Variants in QTGAL observed in about 807,000 individuals in gnomAD.
QTGAL encodes BGnT-like protein 1.
chr17:83,002,263 G>A, the QTGAL span, among the ~76,000 whole-genome samples: 4 of 152,184 alleles, frequency 2.6e-5, no homozygotes, highest in African/African-American at 9.7e-5. Flanking sequence ...TGGCCTCCGG[G>A]GAACCCGCTC....
At chr17:82,975,449 T>C in the QTGAL span, among the ~76,000 whole-genome samples, 18 of 25,720 alleles carry the variant, frequency 7.0e-4, no homozygotes, top group Admixed American at 1.3e-3. Flanking sequence ...TCCCAGGGGC[T>C]GGAGGCCACT....
At chr17:82,983,857 G>A in the QTGAL span, among the ~76,000 whole-genome samples, 1 of 152,232 alleles carries the variant, frequency 6.6e-6, no homozygotes, top group Non-Finnish European at 1.5e-5. Flanking sequence ...GGCTTTTAAG[G>A]AGGTAGCTAA....
chr17:82,945,066 T>C, the QTGAL span: 1 of 152,092 alleles, frequency 6.6e-6, no homozygotes, highest in African/African-American at 2.4e-5. Context: ...ACAAAACCTC[T>C]CTGGTAGAAT....
chr17:82,946,887 A>C, the QTGAL span: 4 of 1,555,920 alleles, frequency 2.6e-6, no homozygotes, highest in Non-Finnish European at 3.5e-6. Flanking sequence ...ACCTGGGAGC[A>C]GCTGCCATGG....
chr17:82,982,303 AT>A, the QTGAL span, among the ~76,000 whole-genome samples: 1 of 152,258 alleles, frequency 6.6e-6, no homozygotes, highest in African/African-American at 2.4e-5. Flanking sequence ...CAATATATTT[AT>A]TTTTAAAACT....
At chr17:82,945,545 A>G in the QTGAL span, 2 of 152,234 alleles carry the variant, frequency 1.3e-5, no homozygotes, top group African/African-American at 4.8e-5. Flanking sequence ...AAGTTGCTTG[A>G]ATTGTGCCCA....
the QTGAL span, chr17:83,005,426 C>T: frequency 1.2e-4 from 77 of 618,226 alleles, no homozygotes; most frequent in African/African-American, 1.0e-3. This position sits in a 1 kb window ranked among gnomAD's most constrained non-coding sequence, Gnocchi z 5.6. Flanking sequence ...ACGATGGGCA[C>T]GACAGAAGAC....
chr17:82,966,001 ACCT>A, the QTGAL span, among the ~76,000 whole-genome samples: 553 of 150,064 alleles, frequency 3.7e-3, 5 homozygotes, highest in African/African-American at 0.013. Context: ...TGTAGCCTTG[ACCT>A]CCTCAAGCAA....
chr17:83,043,524 G>C, the QTGAL span, among the ~76,000 whole-genome samples: 1 of 152,084 alleles, frequency 6.6e-6, no homozygotes, highest in Admixed American at 6.5e-5. Flanking sequence ...AGAAAAATCA[G>C]TGCATAGAAA....
the QTGAL span, among the ~76,000 whole-genome samples, chr17:83,003,678 T>C: frequency 3.1e-4 from 1 of 3,178 alleles, no homozygotes; most frequent in African/African-American, 3.0e-3. Context: ...TCCCACTCTC[T>C]GCAGTCCGCG....
the QTGAL span, among the ~76,000 whole-genome samples, chr17:82,997,920 T>TAAAAA: frequency 1.5e-5 from 2 of 137,602 alleles, no homozygotes; most frequent in African/African-American, 5.7e-5. Context: ...TTAATGGGTT[T>TAAAAA]AAAAAAAAAA....
the QTGAL span, chr17:82,961,075 G>A: frequency 5.0e-6 from 8 of 1,609,496 alleles, no homozygotes; most frequent in African/African-American, 1.3e-5. Flanking sequence ...GCAGTGCGTG[G>A]CCGCCTGTGG....
the QTGAL span, among the ~76,000 whole-genome samples, chr17:82,983,466 C>T: frequency 6.6e-6 from 1 of 152,192 alleles, no homozygotes; most frequent in Admixed American, 6.5e-5. Flanking sequence ...TTCTCAGAGT[C>T]CATTTTAAAC....
the QTGAL span, among the ~76,000 whole-genome samples, chr17:83,042,003 T>G: frequency 6.6e-6 from 1 of 152,180 alleles, no homozygotes; most frequent in Non-Finnish European, 1.5e-5. Context: ...GGGATAAAGT[T>G]TACTATTCAG....
the QTGAL span, among the ~76,000 whole-genome samples, chr17:82,996,476 C>T: frequency 3.3e-5 from 5 of 149,422 alleles, no homozygotes; most frequent in Non-Finnish European, 7.4e-5. Flanking sequence ...GAGCCGAGAA[C>T]GCGCGACTGC....
the QTGAL span, among the ~76,000 whole-genome samples, chr17:82,983,078 C>G: frequency 2.6e-5 from 4 of 152,252 alleles, no homozygotes; most frequent in Non-Finnish European, 5.9e-5. Flanking sequence ...GCCAGGAGTT[C>G]GAGACCAGCC....
chr17:83,012,537 C>A, the QTGAL span, among the ~76,000 whole-genome samples: 3 of 152,218 alleles, frequency 2.0e-5, no homozygotes, highest in Non-Finnish European at 4.4e-5. Context: ...ACGGCTCAGT[C>A]CAGCCACGGT....
the QTGAL span, chr17:82,942,739 A>G: frequency 1.8e-6 from 1 of 548,792 alleles, no homozygotes; most frequent in Non-Finnish European, 3.2e-6. Context: ...TGATGTGTGT[A>G]GGGGTGATGG....
the QTGAL span, among the ~76,000 whole-genome samples, chr17:82,964,480 T>A: frequency 1.5e-4 from 23 of 152,140 alleles, no homozygotes; most frequent in Admixed American, 3.3e-4. Context: ...ACATAGCTAG[T>A]ATTTAAAACG....
Sources: gnomAD v4.1 joint callset for allele counts (sites outside exome capture counted in the v4.1 genomes callset) on GRCh38, gnomAD v4.1.1 for gene constraint, Gnocchi (gnomAD v3.1) non-coding constraint, MANE v1.5 for transcripts, NCBI Gene and HGNC (gene_info 2026-07-23, HGNC 2026-07-21) for gene names.